Variants in FBXW11 observed in about 807,000 individuals in gnomAD.
FBXW11 encodes the protein F-box and WD repeat domain containing 11.
FBXW11 carries 19 observed loss-of-function variants against 77.6 expected under a neutral mutation model. The ratio of observed to expected loss-of-function variants is 0.24; its 90% CI spans 0.17 to 0.36. FBXW11 has a LOEUF of 0.36. Ranked by LOEUF, FBXW11 falls within the 10% of genes least tolerant of loss-of-function variation. The pLI is 1.00. For synonymous variants in FBXW11, 235 were observed against 249.4 expected (o/e 0.94, Z 0.54); for missense variants, 334 against 704.2 (o/e 0.47, Z 5.95).
intron 7 of FBXW11, among the ~76,000 whole-genome samples, chr5:171,889,040 T>C (rs1396449070): frequency 6.6e-6 from 1 of 152,114 alleles, no homozygotes; most frequent in Non-Finnish European, 1.5e-5. Context: ...ATTTATGTGA[T>C]TAGAGTCTCA....
intron 7 of FBXW11, among the ~76,000 whole-genome samples, chr5:171,889,008 G>C (rs916958066): frequency 1.3e-5 from 2 of 152,012 alleles, no homozygotes; most frequent in African/African-American, 2.4e-5. Context: ...AAACAATGTG[G>C]AACAATATCA....
chr5:171,997,279 A>C lies in FBXW11; in HGVS notation c.45+9179T>G, dbSNP rs567752086. Among the ~76,000 whole-genome samples the C allele has an allele frequency of 1.7e-4, 26 of 152,346 alleles. No individual in the cohort carries two copies. The East Asian group carries it at 4.8e-3, about 28-fold the overall frequency. On this transcript the variant is annotated intron_variant, in intron 1 of 13. Coordinates refer to ENST00000517395, the MANE Select transcript of FBXW11 (RefSeq NM_001378974.1). ...CAAATAATGGAACATCCCTAATGTT[A>C]ATATTTACTCATGATAAACAGCATG...
intron 2 of FBXW11, among the ~76,000 whole-genome samples, chr5:171,929,314 G>A (rs113676780): frequency 0.026 from 3,983 of 152,048 alleles, 163 homozygotes; most frequent in African/African-American, 0.091. Flanking sequence ...AGGTTACAGT[G>A]AGCCAAGATC....
chr5:171,883,050 C>G lies in FBXW11; in HGVS notation c.853-4921G>C, dbSNP rs147830706. 4.6e-3 allele frequency among the ~76,000 whole-genome samples: 695 copies of G among 152,100 alleles called. 9 individuals carry two copies. The highest frequency in any genetic ancestry group is 0.016 in the African/African-American group (676 of 41,484). ...GAACATATGATGTTTGGTTTTTCAT[C>G]CTGAGTTACTTTGCTTAGAATAACA... On this transcript the variant is annotated intron_variant, in intron 7 of 13. Transcript: ENST00000517395.
intron 6 of FBXW11, among the ~76,000 whole-genome samples, chr5:171,898,141 A>G (rs1759872029): frequency 6.6e-6 from 1 of 152,176 alleles, no homozygotes; most frequent in African/African-American, 2.4e-5. Context: ...TCTGCCTGGA[A>G]GGGTGGTGGG....
At chr5:171,989,030 A>G (rs536828403) in intron 1 of FBXW11, among the ~76,000 whole-genome samples, 11 of 152,150 alleles carry the variant, frequency 7.2e-5, no homozygotes, top group Admixed American at 1.3e-4. Flanking sequence ...TATGAAAATT[A>G]GCCGGGCGTG....
intron 2 of FBXW11, among the ~76,000 whole-genome samples, chr5:171,927,375 A>G (rs1179982140): frequency 1.3e-5 from 2 of 152,236 alleles, no homozygotes; most frequent in African/African-American, 2.4e-5. Context: ...CAGAGCAAGA[A>G]AAGAGTGGCA....
intron 6 of FBXW11, among the ~76,000 whole-genome samples, chr5:171,892,448 G>A (rs1026951347): frequency 6.6e-6 from 1 of 152,168 alleles, no homozygotes; most frequent in African/African-American, 2.4e-5. Context: ...AGTTCTTTCC[G>A]ACTCCAAACC....
At chr5:171,973,322 G>A (rs921453692) in intron 1 of FBXW11, among the ~76,000 whole-genome samples, 2 of 152,224 alleles carry the variant, frequency 1.3e-5, no homozygotes, top group African/African-American at 4.8e-5. Context: ...AGGAAAAAAA[G>A]ATGGGAGAGG....
intron 13 of FBXW11, among the ~76,000 whole-genome samples, chr5:171,867,216 A>C (rs1431025357): frequency 1.3e-5 from 2 of 152,224 alleles, no homozygotes; most frequent in Non-Finnish European, 2.9e-5. Context: ...GCCATATGGT[A>C]AATATTTCAG....
At chr5:171,969,191 C>A (rs2113406173) in intron 1 of FBXW11, among the ~76,000 whole-genome samples, 1 of 152,276 alleles carries the variant, frequency 6.6e-6, no homozygotes, top group Admixed American at 6.5e-5. Context: ...TCATGTGAAC[C>A]CAGGAGGCAG....
intron 2 of FBXW11, among the ~76,000 whole-genome samples, chr5:171,953,879 G>A (rs1404789362): frequency 6.6e-6 from 1 of 152,092 alleles, no homozygotes; most frequent in African/African-American, 2.4e-5. Flanking sequence ...AAGTTCTGTG[G>A]CATTCTCAGA....
At chr5:171,940,112 G>A (rs527301186) in intron 2 of FBXW11, among the ~76,000 whole-genome samples, 41 of 152,092 alleles carry the variant, frequency 2.7e-4, no homozygotes, top group African/African-American at 5.8e-4. Context: ...CATGGAATGC[G>A]GAGGGCCCAC....
intron 2 of FBXW11, among the ~76,000 whole-genome samples, chr5:171,932,617 A>G (rs1477373471): frequency 6.6e-6 from 1 of 152,206 alleles, no homozygotes; most frequent in Non-Finnish European, 1.5e-5. Flanking sequence ...ACTCTGGTGC[A>G]GTCACTTTGG....
intron 1 of FBXW11, among the ~76,000 whole-genome samples, chr5:171,962,531 T>C (rs1211865818): frequency 1.3e-5 from 2 of 152,190 alleles, no homozygotes; most frequent in African/African-American, 4.8e-5. Context: ...GCTGACAGTG[T>C]TTATTACTTT....
rs997614255 is a variant in FBXW11 at position 171,912,841 on chromosome 5, C to T, written c.210+1502G>A. ...AGGAGAAATGCTTGAACCTGGGAGG[C>T]GGAGGGTGCAGTGAGCTGAGATTGC... On this transcript the variant is annotated intron_variant, in intron 3 of 13. Transcript: ENST00000517395. 3.3e-5 allele frequency among the ~76,000 whole-genome samples: 5 copies of T among 151,154 alleles called. No homozygotes were observed. In the South Asian group the frequency reaches 6.3e-4, roughly 19 times the overall value.
intron 7 of FBXW11, among the ~76,000 whole-genome samples, chr5:171,886,587 T>A (rs1758901590): frequency 6.6e-6 from 1 of 150,830 alleles, no homozygotes; most frequent in African/African-American, 2.4e-5. Context: ...AATAAATAAA[T>A]AAATAAATAA....
At chr5:172,000,340 CTCTT>C (rs1440764894) in intron 1 of FBXW11, among the ~76,000 whole-genome samples, 2 of 152,198 alleles carry the variant, frequency 1.3e-5, no homozygotes, top group African/African-American at 2.4e-5. Context: ...AATCACCAGT[CTCTT>C]TCTGTCAGGA....
At chr5:171,992,579 C>T (rs903305513) in intron 1 of FBXW11, among the ~76,000 whole-genome samples, 3 of 152,028 alleles carry the variant, frequency 2.0e-5, no homozygotes, top group South Asian at 2.1e-4. Context: ...AGTAATAACA[C>T]CTCTTGGTCA....
Sources: gnomAD v4.1 joint callset for allele counts (sites outside exome capture counted in the v4.1 genomes callset) on GRCh38, gnomAD v4.1.1 for gene constraint, MANE v1.5 for transcripts, NCBI Gene and HGNC (gene_info 2026-07-23, HGNC 2026-07-21) for gene names.